The following TRAF2 variants were observed in gnomAD, a reference collection of about 807,000 sequenced individuals.
TRAF2 encodes the protein TNF receptor associated factor 2.
TRAF2 carries 6 observed loss-of-function variants against 55.6 expected under a neutral mutation model. The observed-to-expected ratio is 0.11, with a 90% CI of 0.06 to 0.21. TRAF2 has a LOEUF of 0.21. TRAF2 is among the 10% of genes least tolerant of loss of function. TRAF2 has a pLI of 1.00. For missense variants in TRAF2, 561 were observed against 684.5 expected (o/e 0.82, Z 2.01); for synonymous variants, 329 against 276.3 (o/e 1.19, Z -1.89).
upstream of TRAF2, chr9:136,882,854 A>G (rs1214148346): frequency 1.9e-6 from 1 of 515,596 alleles, no homozygotes; most frequent in Non-Finnish European, 2.5e-6. Flanking sequence ...TCAACTTGCT[A>G]TGCCTTACAG....
chr9:136,887,163 A>G (rs1849472180), intron 1 of TRAF2, among the ~76,000 whole-genome samples: 1 of 152,100 alleles, frequency 6.6e-6, no homozygotes, highest in Non-Finnish European at 1.5e-5. Context: ...GGTCGGGGGC[A>G]GCAAGGAGCC....
rs1849682327 is a variant in TRAF2, at chr9:136,896,486, GTC to G, written c.-28-2225_-28-2224del. 8.5e-5 allele frequency among the ~76,000 whole-genome samples: 13 copies of G among 152,328 alleles called. No homozygotes were observed. In the South Asian group the frequency reaches 2.7e-3, roughly 32 times the overall value. On this transcript the variant is annotated intron_variant, in intron 1 of 10. Transcript: ENST00000247668. The stretch of plus-strand genomic sequence containing the variant: ...TGTTTGCTGTCCGGTTGTGTTTCGA[GTC>G]TGTTCTCTTGGGCGTCTGTGCCGTG...
At position 136,924,011 on chromosome 9, in the gene TRAF2, C is replaced by A; in HGVS notation, c.1287+11C>A. On this transcript the variant is annotated intron_variant, in intron 10 of 10. Transcript: ENST00000247668. ...CCCTTCAACCAGAAGGTGAGGCCGT[C>A]CCTGCAGGCTTCGCTAGGGCCGCAC... The A allele has an allele frequency of 6.2e-7, 1 of 1,611,998 alleles. No individual in the cohort carries two copies. The highest frequency in any genetic ancestry group is 1.1e-5 in the South Asian group (1 of 90,984).
At chr9:136,887,620 A>C (rs1040698421) in intron 1 of TRAF2, among the ~76,000 whole-genome samples, 2 of 152,158 alleles carry the variant, frequency 1.3e-5, no homozygotes, top group African/African-American at 4.8e-5. Context: ...CTCTGTGGCC[A>C]CATGATTTTG....
chr9:136,894,940 GAAT>G (rs1849650415), intron 1 of TRAF2, among the ~76,000 whole-genome samples: 2 of 152,200 alleles, frequency 1.3e-5, no homozygotes, highest in African/African-American at 4.8e-5. Flanking sequence ...TCACACTTGT[GAAT>G]AGACAGCGTA....
chr9:136,915,063 C>T (rs1243144877), intron 6 of TRAF2, among the ~76,000 whole-genome samples: 1 of 152,060 alleles, frequency 6.6e-6, no homozygotes, highest in Non-Finnish European at 1.5e-5. Flanking sequence ...CCTGTAATCC[C>T]AGCTACTCGG....
chr9:136,924,857 G>A (rs1396970193), intron 10 of TRAF2, among the ~76,000 whole-genome samples: 2 of 152,044 alleles, frequency 1.3e-5, no homozygotes, highest in East Asian at 2.0e-4. Context: ...TCCTGCCTCA[G>A]CCTCCTGAGT....
intron 6 of TRAF2, among the ~76,000 whole-genome samples, chr9:136,915,499 C>T (rs1424613716): frequency 2.6e-5 from 4 of 152,078 alleles, no homozygotes; most frequent in Admixed American, 1.3e-4. Context: ...TGAACACGCG[C>T]GGACATTTTT....
chr9:136,903,196 C>T (rs563821872), intron 4 of TRAF2, among the ~76,000 whole-genome samples: 1 of 152,328 alleles, frequency 6.6e-6, no homozygotes, highest in South Asian at 2.1e-4. Flanking sequence ...AGTGATCCAT[C>T]CACCTTGGCC....
At chr9:136,888,510 A>C (rs1363024985) in intron 1 of TRAF2, among the ~76,000 whole-genome samples, 1 of 152,112 alleles carries the variant, frequency 6.6e-6, no homozygotes, top group African/African-American at 2.4e-5. Context: ...GTTGGTGGAG[A>C]CATGAATTGA....
chr9:136,896,850 T>C (rs1014187541), intron 1 of TRAF2, among the ~76,000 whole-genome samples: 21 of 152,306 alleles, frequency 1.4e-4, no homozygotes, highest in African/African-American at 5.1e-4. Flanking sequence ...TCTCATGATC[T>C]GCCCACCTCG....
chr9:136,921,596 G>T (rs1564421808), intron 9 of TRAF2, among the ~76,000 whole-genome samples: 2 of 152,164 alleles, frequency 1.3e-5, no homozygotes, highest in Admixed American at 6.5e-5. Flanking sequence ...CTGTGGGGGT[G>T]GGACATGGCT....
intron 6 of TRAF2, 182 bp downstream of exon 6, chr9:136,910,176 G>T (rs542568587): frequency 1.5e-6 from 1 of 653,678 alleles, no homozygotes; most frequent in South Asian, 1.8e-5. Flanking sequence ...TGAGTGGGCC[G>T]GGGGCCAGGT....
chr9:136,918,057 C>T (rs938087179), intron 7 of TRAF2, among the ~76,000 whole-genome samples: 5 of 151,998 alleles, frequency 3.3e-5, no homozygotes, highest in Middle Eastern at 3.4e-3. Context: ...TTCCACGCCG[C>T]GCACAGCATG....
In TRAF2 at chr9:136,898,762, C is replaced by T; in HGVS notation, c.22C>T (p.Pro8Ser). The change falls in exon 2 of 11, where the codon CCC becomes TCC. Residue 8 changes from proline (P) to serine (S), a missense_variant. Coordinates refer to ENST00000247668, the MANE Select transcript of TRAF2 (RefSeq NM_021138.4). Reference protein sequence around the residue: MAAASVTPPGSLELLQPG... With the variant: MAAASVTSPGSLELLQPG... ...TCTCATGGCTGCAGCTAGCGTGACC[C>T]CCCCTGGCTCCCTGGAGTTGCTACA... 1.2e-6 allele frequency: 2 copies of T among 1,613,640 alleles called. No homozygotes were observed. The highest frequency in any genetic ancestry group is 1.7e-6 in the Non-Finnish European group (2 of 1,180,034).
rs1025616918 is a variant in TRAF2, at chr9:136,910,063, G to GGT, written c.603+71_603+72dup. On this transcript the variant is annotated intron_variant, in intron 6 of 10. Coordinates refer to ENST00000247668, the MANE Select transcript of TRAF2 (RefSeq NM_021138.4). ...ATGTGTTGGACGTGAGGGTCCCGTGGGTGGGGGTGGGGCAGGTTATGACCC... is the reference window on the plus strand; with the variant it reads ...ATGTGTTGGACGTGAGGGTCCCGTGGGTGTGGGGGTGGGGCAGGTTATGACCC... The GGT allele has an allele frequency of 6.0e-6, 9 of 1,489,192 alleles. No homozygotes were observed. The African/African-American group carries it at 1.1e-4, about 18-fold the overall frequency. 92.2% of individuals were successfully genotyped at this position (1,489,192 alleles called of 1,614,324 possible). A position where few individuals can be genotyped will look rare whatever the true frequency, so the allele number is the denominator to read the frequency against.
In TRAF2 at chr9:136,912,167, T is replaced by C. The variant is rs1293298853; in HGVS notation, c.603+2173T>C. Among the ~76,000 whole-genome samples the C allele has an allele frequency of 2.3e-3, 311 of 133,312 alleles. 2 individuals are homozygous for C. The highest frequency in any genetic ancestry group is 8.5e-3 in the African/African-American group (297 of 34,884). 87.5% of individuals were successfully genotyped at this position (133,312 alleles called of 152,430 possible). On this transcript the variant is annotated intron_variant, in intron 6 of 10. Coordinates refer to ENST00000247668, the MANE Select transcript of TRAF2 (RefSeq NM_021138.4). ...GCGTCTGGCCCTTTTTTTTTTTTTT[T>C]TTTTTTTTTTTTGGAGACAGAGTCT...
At chr9:136,882,752 A>G (rs552033920), upstream of TRAF2, 600 of 985,652 alleles carry the variant, frequency 6.1e-4, 4 homozygotes, top group African/African-American at 9.9e-3. Context: ...GCGAGTCCCC[A>G]GGCCAAGGTG....
At chr9:136,889,682 C>T (rs565450233) in intron 1 of TRAF2, 1 of 152,344 alleles carries the variant, frequency 6.6e-6, no homozygotes, top group East Asian at 1.9e-4. Context: ...TGGTCTCGAA[C>T]TCCTGGCCTG....
Sources: allele counts gnomAD v4.1 joint callset (sites outside exome capture counted in the v4.1 genomes callset), GRCh38; gene constraint gnomAD v4.1.1; transcripts MANE v1.5; gene names NCBI Gene and HGNC (gene_info 2026-07-23, HGNC 2026-07-21).